Variants in C12orf42 observed in about 807,000 individuals in gnomAD.
The protein encoded by C12orf42 is chromosome 12 open reading frame 42, also known as uncharacterized protein C12orf42.
C12orf42 carries 25 observed loss-of-function variants against 21.6 expected under a neutral mutation model. The ratio of observed to expected loss-of-function variants is 1.16; its 90% confidence interval spans 0.84 to 1.62. C12orf42 has a LOEUF of 1.62. C12orf42 is among the 40% of genes most tolerant of loss of function. C12orf42 has a pLI of 0.00. For missense variants in C12orf42, 483 were observed against 459.3 expected (o/e 1.05, Z -0.47); for synonymous variants, 174 against 175.0 (o/e 0.99, Z 0.05).
the C12orf42 span, among the ~76,000 whole-genome samples, chr12:103,507,275 A>T: frequency 2.0e-3 from 75 of 37,470 alleles, 9 homozygotes; most frequent in South Asian, 0.018. Flanking sequence ...TATATATATT[A>T]TATATATTTT....
At chr12:103,471,229 G>A (rs1953576979) in intron 2 of C12orf42, among the ~76,000 whole-genome samples, 1 of 152,080 alleles carries the variant, frequency 6.6e-6, no homozygotes, top group South Asian at 2.1e-4. Flanking sequence ...TAATATTAAT[G>A]TGTTTCATGG....
intron 2 of C12orf42, among the ~76,000 whole-genome samples, chr12:103,456,518 G>A (rs892432750): frequency 2.0e-5 from 3 of 152,250 alleles, no homozygotes; most frequent in African/African-American, 7.2e-5. Flanking sequence ...TAGTGTGCTA[G>A]AATTGCCACA....
At chr12:103,191,756 A>AAAAG in the C12orf42 span, among the ~76,000 whole-genome samples, 2 of 149,780 alleles carry the variant, frequency 1.3e-5, no homozygotes, top group Non-Finnish European at 3.0e-5. Context: ...AAAAAAAAAA[A>AAAAG]AAAAGAAAAG....
chr12:103,211,706 A>C, the C12orf42 span, among the ~76,000 whole-genome samples: 1 of 152,330 alleles, frequency 6.6e-6, no homozygotes, highest in Middle Eastern at 3.4e-3. Flanking sequence ...TAAATCATTC[A>C]GAACAACCAG....
chr12:103,386,728 G>C (rs1421221704), intron 3 of C12orf42, among the ~76,000 whole-genome samples: 2 of 152,186 alleles, frequency 1.3e-5, no homozygotes, highest in Non-Finnish European at 2.9e-5. Context: ...TTCCCCAGTT[G>C]CTTTTGGTGC....
the C12orf42 span, among the ~76,000 whole-genome samples, chr12:103,082,284 G>T: frequency 6.6e-6 from 1 of 152,334 alleles, no homozygotes; most frequent in African/African-American, 2.4e-5. Context: ...GGATGAAATT[G>T]TTAATTATAC....
the C12orf42 span, among the ~76,000 whole-genome samples, chr12:103,563,212 G>T: frequency 7.2e-5 from 11 of 152,240 alleles, no homozygotes; most frequent in African/African-American, 2.6e-4. Flanking sequence ...GCATCTCCAG[G>T]ACTCCTGCCT....
At chr12:103,120,941 C>T in the C12orf42 span, among the ~76,000 whole-genome samples, 1 of 151,806 alleles carries the variant, frequency 6.6e-6, no homozygotes, top group African/African-American at 2.4e-5. Context: ...CATCAAAAAC[C>T]TCAGCCAACA....
chr12:103,090,752 A>G, the C12orf42 span, among the ~76,000 whole-genome samples: 1 of 152,152 alleles, frequency 6.6e-6, no homozygotes, highest in African/African-American at 2.4e-5. Context: ...AATATTTACA[A>G]ATTCTGCCTT....
chr12:103,145,766 C>T, the C12orf42 span, among the ~76,000 whole-genome samples: 3 of 151,942 alleles, frequency 2.0e-5, no homozygotes, highest in Non-Finnish European at 2.9e-5. Context: ...TATGGTACAT[C>T]AAAATGATGA....
chr12:103,300,129 G>A (rs1593328333), downstream of C12orf42, among the ~76,000 whole-genome samples: 1 of 152,146 alleles, frequency 6.6e-6, no homozygotes, highest in East Asian at 1.9e-4. Flanking sequence ...GTTTTCCCAA[G>A]GGTGTTGCAT....
chr12:103,164,528 T>C, the C12orf42 span: 1 of 445,758 alleles, frequency 2.2e-6, no homozygotes, highest in Middle Eastern at 3.3e-4. Context: ...GGGCATTGCT[T>C]GCATAACTTC....
intron 1 of C12orf42, among the ~76,000 whole-genome samples, chr12:103,494,792 A>C (rs903002923): frequency 6.6e-6 from 1 of 152,172 alleles, no homozygotes; most frequent in Admixed American, 6.5e-5. Flanking sequence ...AGATCGCCTC[A>C]ATTTGCCACA....
At chr12:103,347,730 G>T (rs966466185) in intron 4 of C12orf42, among the ~76,000 whole-genome samples, 2 of 152,016 alleles carry the variant, frequency 1.3e-5, no homozygotes, top group African/African-American at 4.8e-5. Context: ...GAACAAGGTG[G>T]GGAGCCATCC....
rs923387288 is a variant in C12orf42 at position 103,396,327 on chromosome 12, T to C, written c.147+5280A>G. Among the ~76,000 whole-genome samples the C allele has an allele frequency of 3.9e-5, 6 of 152,158 alleles. 1 individual carries two copies. The highest frequency in any genetic ancestry group is 3.9e-4 in the Admixed American group (6 of 15,276). ...CTTGTGAAGAGGTACTTGCTTCTCC[T>C]TCACCTTTCACCATGATTGTAAGTT... On this transcript the variant is annotated intron_variant, in intron 3 of 5. Transcript: ENST00000548883.
intron 4 of C12orf42, among the ~76,000 whole-genome samples, chr12:103,315,762 G>A (rs1383766021): frequency 1.3e-5 from 2 of 152,090 alleles, no homozygotes; most frequent in Non-Finnish European, 2.9e-5. Flanking sequence ...ATAGAAGAAT[G>A]ACGATAACAA....
chr12:103,250,088 T>TATC (rs36005830), intron 10 of C12orf42, among the ~76,000 whole-genome samples: 12,172 of 151,560 alleles, frequency 0.08, 498 homozygotes, highest in Middle Eastern at 0.14. Flanking sequence ...TCTATCTATC[T>TATC]ATCTATCTAT....
intron 2 of C12orf42, among the ~76,000 whole-genome samples, chr12:103,458,328 A>G (rs952019391): frequency 3.6e-5 from 5 of 138,610 alleles, no homozygotes; most frequent in Non-Finnish European, 7.5e-5. Context: ...TTCTTTGTAG[A>G]AAAAAAAAAA....
chr12:103,227,583 C>T, the C12orf42 span, among the ~76,000 whole-genome samples: 2 of 151,886 alleles, frequency 1.3e-5, no homozygotes, highest in East Asian at 3.9e-4. Context: ...TGCCCCTCTC[C>T]CAGAAAAGCA....
Sources: allele counts gnomAD v4.1 joint callset (sites outside exome capture counted in the v4.1 genomes callset), GRCh38; gene constraint gnomAD v4.1.1; transcripts MANE v1.5; gene names NCBI Gene and HGNC (gene_info 2026-07-23, HGNC 2026-07-21).